The following HVCN1 variants were observed in gnomAD, a reference collection of about 807,000 sequenced individuals.
HVCN1 encodes voltage-gated hydrogen channel 1.
In HVCN1, 14 loss-of-function variants were observed where a neutral mutation model predicts 29.2. That is an observed-to-expected ratio of 0.48 (90% CI 0.32 to 0.75). The LOEUF is 0.75. HVCN1 is among the 30% of genes least tolerant of loss of function. The pLI is 0.04. For synonymous variants in HVCN1, 131 were observed against 133.2 expected, an observed-to-expected ratio of 0.98 and a Z score of 0.11; for missense variants, 263 against 341.8, an observed-to-expected ratio of 0.77 and a Z score of 1.82.
At chr12:110,678,695 G>A (rs1177558299) in intron 3 of HVCN1, among the ~76,000 whole-genome samples, 2 of 151,910 alleles carry the variant, frequency 1.3e-5, no homozygotes, top group African/African-American at 2.4e-5. Context: ...CAAGTGATCC[G>A]CCTGCCTTGG....
At position 110,649,023 on chromosome 12, in the gene HVCN1, CTTCT is replaced by C. The variant is rs755943364; in HGVS notation, c.*383_*386del. 7.9e-5 allele frequency: 38 copies of C among 481,560 alleles called. No homozygotes were observed. Among genetic ancestry groups the C allele is most frequent in the South Asian group, 5.6e-4 (35 of 62,322 alleles). The allele number at this position is 481,560 out of a possible 1,614,324, so 29.8% of individuals were successfully genotyped here. A position where few individuals can be genotyped will look rare whatever the true frequency, so the allele number is the denominator to read the frequency against. On this transcript the variant is annotated 3_prime_UTR_variant, in exon 8 of 8. Coordinates refer to ENST00000242607, the MANE Select transcript of HVCN1 (RefSeq NM_032369.4). Reference sequence around the variant, plus strand: ...TAGAATGGGGTGGCAGCTAAAGTAGCTTCTTTTTCTTTCTTTCAGAATGCTCAGA... The same window carrying C: ...TAGAATGGGGTGGCAGCTAAAGTAGCTTTTCTTTCTTTCAGAATGCTCAGA...
intron 2 of HVCN1, among the ~76,000 whole-genome samples, chr12:110,687,059 A>C (rs186291856): frequency 6.6e-6 from 1 of 152,194 alleles, no homozygotes; most frequent in Non-Finnish European, 1.5e-5. Context: ...AGCAGTGAGA[A>C]GAAAAATAGG....
At chr12:110,695,401 CAT>C (rs1555240513) in intron 2 of HVCN1, among the ~76,000 whole-genome samples, 4 of 151,190 alleles carry the variant, frequency 2.6e-5, no homozygotes, top group African/African-American at 7.3e-5. Context: ...CACACACACA[CAT>C]GACCTAGCCA....
At chr12:110,667,938 A>G (rs973998840) in intron 3 of HVCN1, among the ~76,000 whole-genome samples, 3 of 152,148 alleles carry the variant, frequency 2.0e-5, no homozygotes, top group African/African-American at 7.2e-5. Context: ...CAGAGCAGAA[A>G]ACATTTCTGG....
exon 1 of HVCN1, chr12:110,704,912 G>GCACTTCTC (rs1405017097): frequency 2.0e-5 from 3 of 152,194 alleles, no homozygotes; most frequent in African/African-American, 7.2e-5. Context: ...TTCTCCACCT[G>GCACTTCTC]CACATGTTCA....
chr12:110,699,461 C>T (rs1202468494), intron 2 of HVCN1, among the ~76,000 whole-genome samples: 3 of 152,068 alleles, frequency 2.0e-5, no homozygotes, highest in Admixed American at 1.3e-4. Flanking sequence ...TCTATGGGGG[C>T]CCCACTGCCT....
At chr12:110,666,254 TA>T (rs1239799841) in intron 3 of HVCN1, among the ~76,000 whole-genome samples, 2 of 148,544 alleles carry the variant, frequency 1.3e-5, no homozygotes, top group Non-Finnish European at 1.5e-5. Flanking sequence ...CCATCTCTAC[TA>T]AAAAAAAATA....
intron 3 of HVCN1, among the ~76,000 whole-genome samples, chr12:110,666,921 C>T (rs947666127): frequency 1.3e-5 from 2 of 152,152 alleles, no homozygotes; most frequent in African/African-American, 4.8e-5. Context: ...TCCCTCCTAG[C>T]ATTTACCTCA....
chr12:110,683,049 A>C (rs1374745423), intron 3 of HVCN1, 176 bp downstream of exon 3: 26 of 769,768 alleles, frequency 3.4e-5, no homozygotes, highest in Non-Finnish European at 6.7e-6. Context: ...ATATCAGGCT[A>C]CTTGGAGGTT....
At chr12:110,672,657 A>C (rs189308409) in intron 3 of HVCN1, among the ~76,000 whole-genome samples, 1 of 152,266 alleles carries the variant, frequency 6.6e-6, no homozygotes, top group East Asian at 1.9e-4. Flanking sequence ...CCAAATCTCA[A>C]CTTGAATTAC....
At chr12:110,695,826 C>A (rs1340001167) in intron 2 of HVCN1, among the ~76,000 whole-genome samples, 1 of 152,074 alleles carries the variant, frequency 6.6e-6, no homozygotes, top group Admixed American at 6.6e-5. Context: ...TGTGGATGCA[C>A]AGAGGAGGGT....
chr12:110,666,422 A>AAAAAGAAAAG lies in HVCN1; in HGVS notation c.22-4984_22-4975dup, dbSNP rs59983139. On this transcript the variant is annotated intron_variant, in intron 3 of 7. Coordinates refer to ENST00000242607, the MANE Select transcript of HVCN1 (RefSeq NM_032369.4). ...TGGGCGACAGAGTGAGACTCCGCCT[A>AAAAAGAAAAG]AAAAGAAAAGAAAAGAAAAGAAAAG... Among the ~76,000 whole-genome samples, 315 of 151,874 alleles carry AAAAAGAAAAG rather than the reference A, an allele frequency of 2.1e-3. 2 individuals are homozygous for AAAAAGAAAAG. The highest frequency in any genetic ancestry group is 0.012 in the East Asian group (64 of 5,168).
chr12:110,663,022 A>G (rs1392951286), intron 3 of HVCN1, among the ~76,000 whole-genome samples: 1 of 152,240 alleles, frequency 6.6e-6, no homozygotes, highest in Non-Finnish European at 1.5e-5. Context: ...AAAAACGCAG[A>G]GTGAAGTAAC....
At chr12:110,685,425 G>A (rs143711507) in intron 2 of HVCN1, among the ~76,000 whole-genome samples, 28 of 152,266 alleles carry the variant, frequency 1.8e-4, no homozygotes, top group Middle Eastern at 3.4e-3. Flanking sequence ...TTCCAGAACT[G>A]TAGCATAATA....
chr12:110,657,736 T>A (rs926433179), intron 4 of HVCN1, among the ~76,000 whole-genome samples: 2 of 152,206 alleles, frequency 1.3e-5, no homozygotes, highest in African/African-American at 4.8e-5. Flanking sequence ...TGAAAACTCA[T>A]CCCTGGGGCC....
intron 6 of HVCN1, 28 bp downstream of exon 6, chr12:110,651,187 ATC>A: frequency 6.5e-7 from 1 of 1,529,606 alleles, no homozygotes; most frequent in Non-Finnish European, 9.1e-7. Flanking sequence ...CCTACTCTCC[ATC>A]CACAGCCTGG....
At chr12:110,695,263 C>T (rs1046040895) in intron 2 of HVCN1, among the ~76,000 whole-genome samples, 6 of 119,786 alleles carry the variant, frequency 5.0e-5, no homozygotes, top group Non-Finnish European at 9.0e-5. Context: ...TATGTATATA[C>T]ACACACACAC....
intron 2 of HVCN1, chr12:110,688,064 A>T (rs921734057): frequency 6.6e-6 from 1 of 152,324 alleles, no homozygotes; most frequent in Non-Finnish European, 1.5e-5. Flanking sequence ...CTGAAGTTAA[A>T]GGTGCCCAGG....
chr12:110,649,492 C>G lies in HVCN1; in HGVS notation c.757-17G>C. ...TTCTTGTTCCTATTGCAAAAGCAGA[C>G]AAACACTGGAATTTACTTTGAGCCT... On this transcript the variant is annotated splice_polypyrimidine_tract_variant and intron_variant, in intron 7 of 7. Coordinates refer to ENST00000242607, the MANE Select transcript of HVCN1 (RefSeq NM_032369.4). 7 of 1,586,182 alleles carry G rather than the reference C, an allele frequency of 4.4e-6. No individual in the cohort carries two copies. The highest frequency in any genetic ancestry group is 6.0e-6 in the Non-Finnish European group (7 of 1,159,902).
Sources: allele counts gnomAD v4.1 joint callset (sites outside exome capture counted in the v4.1 genomes callset), GRCh38; gene constraint gnomAD v4.1.1; transcripts MANE v1.5; gene names NCBI Gene and HGNC (gene_info 2026-07-23, HGNC 2026-07-21).